The following ACTR3C variants were observed in gnomAD, a reference collection of about 807,000 sequenced individuals.
ACTR3C encodes the protein actin related protein 3C.
A neutral mutation model predicts 26.3 loss-of-function variants in ACTR3C; 18 were observed. The ratio of observed to expected loss-of-function variants is 0.68; its 90% CI spans 0.47 to 1.01. ACTR3C has a LOEUF of 1.01. Ranked by LOEUF, ACTR3C falls within the 50% of genes least tolerant of loss-of-function variation. ACTR3C has a pLI of 0.00. For synonymous variants in ACTR3C, 55 were observed against 94.5 expected (o/e 0.58, Z 2.42); for missense variants, 184 against 250.7 (o/e 0.73, Z 1.80).
At chr7:150,204,201 C>T in the ACTR3C span, among the ~76,000 whole-genome samples, 7,460 of 126,282 alleles carry the variant, frequency 0.059, 870 homozygotes, top group African/African-American at 0.19. Flanking sequence ...ACAGAGAGTC[C>T]TTCAAGCATA....
At chr7:150,171,393 A>G in the ACTR3C span, among the ~76,000 whole-genome samples, 20,346 of 149,878 alleles carry the variant, frequency 0.14, 2,469 homozygotes, top group African/African-American at 0.3. Context: ...AGAAACAAAA[A>G]ATGCAATCAA....
chr7:150,013,369 C>A, the ACTR3C span, among the ~76,000 whole-genome samples: 1 of 148,986 alleles, frequency 6.7e-6, no homozygotes, highest in Non-Finnish European at 1.5e-5. Context: ...AACACTGCTC[C>A]ATCTCAATTC....
intron 6 of ACTR3C, among the ~76,000 whole-genome samples, chr7:150,251,219 C>G: frequency 6.6e-6 from 1 of 152,156 alleles, no homozygotes; most frequent in East Asian, 1.9e-4. Flanking sequence ...CGTTTATTGT[C>G]CCTAACTCTC....
In ACTR3C at chr7:150,289,304, A is replaced by G. The variant is rs940034707; in HGVS notation, c.297+146T>C. 44 of 1,364,980 alleles carry G rather than the reference A, an allele frequency of 3.2e-5. No individual in the cohort carries two copies. The African/African-American group carries it at 6.3e-4, about 20-fold the overall frequency. 84.6% of individuals were successfully genotyped at this position (1,364,980 alleles called of 1,614,324 possible). ...AGGTTAAGCTTTACATCTTCAGCCCACTTAAGGGGTAAAACAAATCAAGCC... is the reference window on the plus strand; with the variant it reads ...AGGTTAAGCTTTACATCTTCAGCCCGCTTAAGGGGTAAAACAAATCAAGCC... On this transcript the variant is annotated intron_variant, in intron 4 of 7. Transcript: ENST00000683684.
the ACTR3C span, among the ~76,000 whole-genome samples, chr7:150,033,830 C>T: frequency 6.6e-6 from 1 of 151,622 alleles, no homozygotes; most frequent in African/African-American, 2.4e-5. Context: ...CAGTCCCTGC[C>T]TCGTGGGGGG....
chr7:150,195,488 C>A, the ACTR3C span, among the ~76,000 whole-genome samples: 1 of 152,114 alleles, frequency 6.6e-6, no homozygotes, highest in African/African-American at 2.4e-5. Flanking sequence ...CACTTTTTGT[C>A]TAACAAAGTC....
At chr7:150,172,350 G>A in the ACTR3C span, among the ~76,000 whole-genome samples, 30 of 150,630 alleles carry the variant, frequency 2.0e-4, 2 homozygotes, top group Middle Eastern at 0.014. Flanking sequence ...ACGTGATGGC[G>A]GCGAGAGAAA....
At chr7:149,954,760 C>T in the ACTR3C span, among the ~76,000 whole-genome samples, 1 of 152,140 alleles carries the variant, frequency 6.6e-6, no homozygotes, top group Admixed American at 6.5e-5. Context: ...TCTCGTGGTC[C>T]TCTTTGTACT....
the ACTR3C span, among the ~76,000 whole-genome samples, chr7:150,088,108 A>G: frequency 6.6e-6 from 1 of 152,212 alleles, no homozygotes; most frequent in East Asian, 1.9e-4. Flanking sequence ...TCAATTTGCA[A>G]AAGTGTTCTC....
At chr7:150,253,171 C>T (rs2129609416) in intron 6 of ACTR3C, among the ~76,000 whole-genome samples, 1 of 152,002 alleles carries the variant, frequency 6.6e-6, no homozygotes, top group Non-Finnish European at 1.5e-5. Context: ...CAACAGCACC[C>T]TTGGAGTCTA....
the ACTR3C span, among the ~76,000 whole-genome samples, chr7:150,037,986 T>C: frequency 1.6e-5 from 2 of 127,768 alleles, 1 homozygote; most frequent in African/African-American, 6.2e-5. Context: ...AGGTTCGCAG[T>C]CCCCGCCTCG....
At chr7:149,969,269 CTGTGTGTGTGTGTGTGTG>C in the ACTR3C span, among the ~76,000 whole-genome samples, 7,870 of 141,354 alleles carry the variant, frequency 0.056, 238 homozygotes, top group Non-Finnish European at 0.066. Flanking sequence ...TCAGAAAGAG[CTGTGTGTGTGTGTGTGTG>C]TGTGTGTGTG....
chr7:150,041,498 T>C, the ACTR3C span: 81 of 181,230 alleles, frequency 4.5e-4, no homozygotes, highest in East Asian at 1.1e-3. Context: ...CGATGGGGGG[T>C]CCTAAGCCAG....
the ACTR3C span, among the ~76,000 whole-genome samples, chr7:150,111,865 C>G: frequency 2.7e-5 from 4 of 148,852 alleles, no homozygotes; most frequent in Non-Finnish European, 5.9e-5. Context: ...GTGTAATGAC[C>G]TGCGAAGCCC....
intron 1 of ACTR3C, among the ~76,000 whole-genome samples, chr7:150,320,711 C>T (rs898012303): frequency 1.3e-5 from 2 of 152,164 alleles, no homozygotes; most frequent in African/African-American, 2.4e-5. Context: ...TGCAGTGAGC[C>T]GAGATGGTGG....
At chr7:149,927,311 C>T in the ACTR3C span, among the ~76,000 whole-genome samples, 1 of 151,858 alleles carries the variant, frequency 6.6e-6, no homozygotes, top group African/African-American at 2.4e-5. Context: ...AATCCTGTAA[C>T]CTCCCCTTTG....
At chr7:150,027,137 T>C in the ACTR3C span, among the ~76,000 whole-genome samples, 1 of 152,114 alleles carries the variant, frequency 6.6e-6, no homozygotes, top group Non-Finnish European at 1.5e-5. Context: ...CACAATTACC[T>C]GATACCTCGG....
At chr7:149,958,742 G>A in the ACTR3C span, among the ~76,000 whole-genome samples, 1 of 152,202 alleles carries the variant, frequency 6.6e-6, no homozygotes, top group African/African-American at 2.4e-5. Flanking sequence ...AGTAAATGAA[G>A]CAGTCAAGTC....
chr7:149,883,065 T>C, the ACTR3C span, among the ~76,000 whole-genome samples: 88,264 of 152,072 alleles, frequency 0.58, 25,860 homozygotes, highest in Non-Finnish European at 0.62. Flanking sequence ...GGTACGACTC[T>C]AAGTGTTTTT....
Sources: gnomAD v4.1 joint callset for allele counts (sites outside exome capture counted in the v4.1 genomes callset) on GRCh38, gnomAD v4.1.1 for gene constraint, MANE v1.5 for transcripts, NCBI Gene and HGNC (gene_info 2026-07-23, HGNC 2026-07-21) for gene names.